LYST: variants seen among roughly 807,000 people sequenced by gnomAD.
The protein encoded by LYST is lysosomal-trafficking regulator.
LYST carries 192 observed loss-of-function variants against 413.6 expected under a neutral mutation model. The observed-to-expected ratio is 0.46, with a 90% confidence interval of 0.41 to 0.52. The LOEUF is 0.52. Ranked by LOEUF, LYST falls within the 20% of genes least tolerant of loss-of-function variation. The probability of loss-of-function intolerance (pLI) is 0.00; values close to 1 mark genes in which losing one functional copy is unlikely to be tolerated. For missense variants in LYST, 3,815 were observed against 4,499.9 expected, an observed-to-expected ratio of 0.85 and a Z score of 4.35; for synonymous variants, 1,525 against 1,567.3, an observed-to-expected ratio of 0.97 and a Z score of 0.64.
intron 48 of LYST, among the ~76,000 whole-genome samples, chr1:235,678,782 T>C (rs1315919365): frequency 1.3e-5 from 2 of 152,196 alleles, no homozygotes; most frequent in Non-Finnish European, 2.9e-5. Context: ...TATACTCCTA[T>C]GTAAGTTTTT....
chr1:235,730,880 G>C lies in LYST; in HGVS notation c.9011C>G (p.Thr3004Ser), dbSNP rs1572092471. ...EDKTHSSFSS[T>S]VKDKAASESI... ...TTCACTTGCAGCTTTGTCTTTGACA[G>C]TAGAAGAGAAAGAAGAATGAGTTTT... is the stretch of plus-strand genomic sequence containing the variant. Residue 3004 changes from threonine to serine, a missense_variant, in exon 36 of 53, where the codon ACT (threonine) becomes AGT (serine). By Grantham distance (58) the Thr-to-Ser change is moderately conservative (BLOSUM62 1). Coordinates refer to ENST00000389793, the MANE Select transcript of LYST (RefSeq NM_000081.4). 2.5e-6 allele frequency: 4 copies of C among 1,613,362 alleles called. No homozygotes were observed. The Middle Eastern group carries it at 5.0e-4, about 200-fold the overall frequency.
intron 45 of LYST, among the ~76,000 whole-genome samples, chr1:235,700,819 C>T (rs549075959): frequency 6.6e-6 from 1 of 152,302 alleles, no homozygotes; most frequent in South Asian, 2.1e-4. Flanking sequence ...TTCCTAGGAA[C>T]TGGGGACACA....
chr1:235,848,684 A>C (rs1030707910), intron 1 of LYST, among the ~76,000 whole-genome samples: 3 of 152,186 alleles, frequency 2.0e-5, no homozygotes, highest in African/African-American at 7.2e-5. Context: ...TTAAGAAATG[A>C]AATGGGAGAT....
chr1:235,756,269 T>G (rs1053444385), intron 24 of LYST, among the ~76,000 whole-genome samples: 1 of 152,120 alleles, frequency 6.6e-6, no homozygotes, highest in African/African-American at 2.4e-5. Context: ...TTTATTCCCC[T>G]ACTAAAAAAG....
At chr1:235,780,485 A>G (rs1256184915) in intron 16 of LYST, among the ~76,000 whole-genome samples, 1 of 152,096 alleles carries the variant, frequency 6.6e-6, no homozygotes, top group African/African-American at 2.4e-5. Flanking sequence ...TTATAAATGG[A>G]TATTATTTAT....
Position 235,712,090 on chromosome 1 carries a change from A to G in LYST, c.9892T>C (p.Phe3298Leu). ...TDVKELIPEF[F>L]YLPEFLVNRE... ...TTAACTAGGAACTCTGGAAGATAGA[A>G]AAACTCTGGGATAAGTTCTTTCACA... The change falls in exon 43 of 53, where the codon TTC (phenylalanine) becomes CTC (leucine). Residue 3298 changes from phenylalanine (F) to leucine (L), a missense_variant. Around this residue, in one of 4 missense-constraint regions of LYST, gnomAD observed 866 missense variants for 1,156.0 expected, o/e 0.75. Coordinates refer to ENST00000389793, the MANE Select transcript of LYST (RefSeq NM_000081.4). 1 of 1,551,572 alleles carries G rather than the reference A, an allele frequency of 6.4e-7. No homozygotes were observed. Among genetic ancestry groups the G allele is most frequent in the Non-Finnish European group, 8.7e-7 (1 of 1,144,524 alleles).
intron 24 of LYST, 101 bp from the exon 25 acceptor site, chr1:235,755,748 G>A (rs7528539): frequency 2.9e-6 from 2 of 679,472 alleles, no homozygotes; most frequent in Admixed American, 2.5e-5. Flanking sequence ...AAGTTCATAT[G>A]TACAGAAGAA....
chr1:235,763,817 C>T (rs1235011978), intron 21 of LYST, among the ~76,000 whole-genome samples: 2 of 152,078 alleles, frequency 1.3e-5, no homozygotes, highest in African/African-American at 4.8e-5. Context: ...ATAATGCAGG[C>T]TTTATCATCT....
intron 28 of LYST, 117 bp from the exon 29 acceptor site, chr1:235,746,644 G>A: frequency 1.4e-6 from 1 of 739,838 alleles, no homozygotes. Flanking sequence ...TTACTACAAA[G>A]TCAATTTATA....
intron 50 of LYST, among the ~76,000 whole-genome samples, chr1:235,668,978 CTG>C (rs1658713405): frequency 6.6e-6 from 1 of 152,184 alleles, no homozygotes; most frequent in African/African-American, 2.4e-5. Flanking sequence ...CTAATCATGA[CTG>C]AAGATATTAC....
chr1:235,857,827 T>A (rs1217078909), intron 1 of LYST, among the ~76,000 whole-genome samples: 1 of 149,322 alleles, frequency 6.7e-6, no homozygotes, highest in Admixed American at 6.6e-5. Context: ...AAGAGAGGGT[T>A]AAGAAATGAA....
At chr1:235,764,892 T>A (rs1667979066) in intron 21 of LYST, among the ~76,000 whole-genome samples, 1 of 152,190 alleles carries the variant, frequency 6.6e-6, no homozygotes, top group Admixed American at 6.5e-5. Flanking sequence ...ACATTCTTGC[T>A]TTCTTTCTTA....
In LYST at chr1:235,715,370, G is replaced by A. The variant is rs1349933159; in HGVS notation, c.9628-13C>T. On this transcript the variant is annotated splice_polypyrimidine_tract_variant and intron_variant, in intron 41 of 52. Transcript: ENST00000389793. ...CTTCCTCCAAGTACTGAAAGAAACGGTGAATCCAGAGAATTCATGATTGTG... is the reference window on the plus strand; with the variant it reads ...CTTCCTCCAAGTACTGAAAGAAACGATGAATCCAGAGAATTCATGATTGTG... 1 of 1,613,346 alleles carries A rather than the reference G, an allele frequency of 6.2e-7. No individual in the cohort carries two copies. Among genetic ancestry groups the A allele is most frequent in the Non-Finnish European group, 8.5e-7 (1 of 1,179,572 alleles).
rs1672857444 is a variant in LYST at position 235,806,570 on chromosome 1, T to A, written c.2566A>T (p.Thr856Ser). The change falls in exon 6 of 53, where the codon ACT becomes TCT. Residue 856 changes from threonine (T) to serine (S), a missense_variant. By Grantham distance (58) the Thr-to-Ser change is moderately conservative. This residue lies in a region of LYST where 1,648 missense variants were observed against 1,810.3 expected (regional missense o/e 0.91). Coordinates refer to ENST00000389793, the MANE Select transcript of LYST (RefSeq NM_000081.4). ...TAAGCTTGCTGATGATGAAAAGAAGTACCCACATGTACAGAGGACAACTCC... is the reference window on the plus strand; with the variant it reads ...TAAGCTTGCTGATGATGAAAAGAAGAACCCACATGTACAGAGGACAACTCC... The part of the protein sequence containing the change: ...QKELSSVHVG[T>S]SFHHQQAYSD... 6.2e-7 allele frequency: 1 copy of A among 1,613,846 alleles called. No individual in the cohort carries two copies.
chr1:235,837,025 T>G (rs1255002950), intron 1 of LYST, among the ~76,000 whole-genome samples: 1 of 152,202 alleles, frequency 6.6e-6, no homozygotes, highest in Non-Finnish European at 1.5e-5. Context: ...TCACCGGAGC[T>G]TTCTGAGACG....
rs758392578 is a variant in LYST at position 235,808,603 on chromosome 1, GCA to G, written c.2213_2214del (p.Val738AlafsTer6). On this transcript the variant is annotated frameshift_variant, in exon 5 of 53. Transcript: ENST00000389793. LOFTEE classifies it high-confidence loss of function. ...TGTGCTAATTCAACTCCTCTTTGGA[GCA>G]CAGGATTAAATATGTAATTATATAA... ...WKLYNYIFNP[V>X]LQRGVELAHH... 1.2e-6 allele frequency: 2 copies of G among 1,613,862 alleles called. No individual in the cohort carries two copies. The highest frequency in any genetic ancestry group is 1.7e-6 in the Non-Finnish European group (2 of 1,179,862).
At chr1:235,762,632 T>C (rs1667706039) in intron 22 of LYST, 88 bp downstream of exon 22, 4 of 1,369,838 alleles carry the variant, frequency 2.9e-6, no homozygotes, top group Non-Finnish European at 4.1e-6. Flanking sequence ...TTGTACTACA[T>C]ATACTTCTAA....
At chr1:235,685,021 C>A (rs1450902238) in intron 48 of LYST, among the ~76,000 whole-genome samples, 1 of 152,174 alleles carries the variant, frequency 6.6e-6, no homozygotes, top group East Asian at 1.9e-4. Flanking sequence ...TCTTCCCCAA[C>A]ACGTTACACT....
intron 50 of LYST, among the ~76,000 whole-genome samples, chr1:235,667,195 C>T (rs1321332084): frequency 1.3e-5 from 2 of 152,188 alleles, no homozygotes; most frequent in Admixed American, 6.5e-5. Flanking sequence ...CTCTATCCTT[C>T]GTATACACAG....
Sources: gnomAD v4.1 joint callset for allele counts (sites outside exome capture counted in the v4.1 genomes callset) on GRCh38, gnomAD v4.1.1 for gene constraint, gnomAD v4.1.1 regional missense constraint, MANE v1.5 for transcripts, NCBI Gene and HGNC (gene_info 2026-07-23, HGNC 2026-07-21) for gene names.